The following KCNQ5 variants were observed in gnomAD, a reference collection of about 807,000 sequenced individuals.
KCNQ5 encodes potassium voltage-gated channel subfamily KQT member 5.
A neutral mutation model predicts 98.2 loss-of-function variants in KCNQ5; 30 were observed. That is an observed-to-expected ratio of 0.31 (90% CI 0.23 to 0.41). KCNQ5 has a LOEUF of 0.41. KCNQ5 is among the 10% of genes least tolerant of loss of function. KCNQ5 has a pLI of 1.00. For synonymous variants in KCNQ5, 458 were observed against 449.4 expected (o/e 1.02, Z -0.24); for missense variants, 835 against 1,182.5 (o/e 0.71, Z 4.31).
chr6:73,166,155 G>A (rs971645560), intron 10 of KCNQ5, among the ~76,000 whole-genome samples: 3 of 151,638 alleles, frequency 2.0e-5, no homozygotes, highest in Non-Finnish European at 2.9e-5. Context: ...CACTCAGGCC[G>A]GGCGTGGTGG....
At chr6:72,859,032 T>A (rs1369994367) in intron 1 of KCNQ5, among the ~76,000 whole-genome samples, 1 of 152,142 alleles carries the variant, frequency 6.6e-6, no homozygotes, top group Non-Finnish European at 1.5e-5. Flanking sequence ...AAAAGTTTTT[T>A]AAGAATATTC....
intron 1 of KCNQ5, among the ~76,000 whole-genome samples, chr6:72,935,469 C>G (rs1765874975): frequency 6.6e-6 from 1 of 152,120 alleles, no homozygotes; most frequent in African/African-American, 2.4e-5. Flanking sequence ...GACCATATGT[C>G]TCAAATGGGT....
rs552405177 is a variant in KCNQ5 at position 73,137,942 on chromosome 6, C to G, written c.1468+4301C>G. On this transcript the variant is annotated intron_variant, in intron 10 of 13. Coordinates refer to ENST00000370398, the MANE Select transcript of KCNQ5 (RefSeq NM_019842.4). The stretch of plus-strand genomic sequence containing the variant: ...TCTTCCAACTTCAATCGGTCAGATT[C>G]CCCTTCCCATATAAGCCACTTGACC... Among the ~76,000 whole-genome samples, 43 of 152,126 alleles carry G rather than the reference C, an allele frequency of 2.8e-4. 2 individuals carry two copies. The South Asian group carries it at 8.1e-3, about 29-fold the overall frequency.
intron 10 of KCNQ5, among the ~76,000 whole-genome samples, chr6:73,164,633 A>G (rs1489828281): frequency 1.3e-5 from 2 of 152,222 alleles, no homozygotes; most frequent in Non-Finnish European, 1.5e-5. Flanking sequence ...TGTGAACAAT[A>G]TAGTTTCACT....
chr6:72,634,239 T>A (rs967372929), intron 1 of KCNQ5, among the ~76,000 whole-genome samples: 1 of 152,230 alleles, frequency 6.6e-6, no homozygotes, highest in Non-Finnish European at 1.5e-5. Context: ...TTACCTAGAA[T>A]CAAGGAATTA....
chr6:73,097,434 A>C (rs934239403), intron 5 of KCNQ5, among the ~76,000 whole-genome samples: 3 of 152,188 alleles, frequency 2.0e-5, no homozygotes, highest in Non-Finnish European at 4.4e-5. Context: ...TACAGAAGGA[A>C]TGTAACTCAA....
intron 11 of KCNQ5, among the ~76,000 whole-genome samples, chr6:73,178,162 G>A (rs1778284177): frequency 6.6e-6 from 1 of 150,886 alleles, no homozygotes; most frequent in African/African-American, 2.4e-5. Context: ...TACACTCCTA[G>A]GAACACAAAA....
At chr6:73,020,946 T>C (rs1770579399) in intron 2 of KCNQ5, among the ~76,000 whole-genome samples, 1 of 152,180 alleles carries the variant, frequency 6.6e-6, no homozygotes, top group African/African-American at 2.4e-5. Flanking sequence ...AGTCATGTGC[T>C]ACATGCCAGC....
intron 1 of KCNQ5, among the ~76,000 whole-genome samples, chr6:72,674,585 C>T (rs1011394562): frequency 1.3e-5 from 2 of 152,148 alleles, no homozygotes; most frequent in African/African-American, 4.8e-5. Context: ...GCCTGGCCAA[C>T]GTGGTGAAAC....
chr6:72,871,901 T>G (rs1380087644), intron 1 of KCNQ5, among the ~76,000 whole-genome samples: 1 of 152,180 alleles, frequency 6.6e-6, no homozygotes, highest in Non-Finnish European at 1.5e-5. Context: ...GTTGAAAAGA[T>G]AAATGTTCTA....
chr6:72,959,911 G>A (rs2150265810), intron 1 of KCNQ5, among the ~76,000 whole-genome samples: 1 of 152,254 alleles, frequency 6.6e-6, no homozygotes, highest in African/African-American at 2.4e-5. Context: ...TTCAACAATA[G>A]CTCTTTTCAT....
intron 3 of KCNQ5, among the ~76,000 whole-genome samples, chr6:73,070,839 G>T (rs1015780415): frequency 2.6e-5 from 4 of 152,158 alleles, no homozygotes; most frequent in Admixed American, 6.5e-5. Flanking sequence ...CAGAGATAAT[G>T]CTGTACCTTA....
At chr6:72,980,917 T>G (rs1054056829) in intron 1 of KCNQ5, among the ~76,000 whole-genome samples, 2 of 152,212 alleles carry the variant, frequency 1.3e-5, no homozygotes, top group African/African-American at 4.8e-5. Flanking sequence ...GTTGAGATAA[T>G]CAAGTGGTTT....
intron 1 of KCNQ5, among the ~76,000 whole-genome samples, chr6:72,686,078 C>G (rs942892336): frequency 6.6e-6 from 1 of 152,208 alleles, no homozygotes; most frequent in Non-Finnish European, 1.5e-5. Context: ...GCTTCATCTT[C>G]ATGACCTCAT....
intron 5 of KCNQ5, 126 bp downstream of exon 5, chr6:73,078,013 A>G (rs966166963): frequency 1.5e-5 from 11 of 733,892 alleles, no homozygotes; most frequent in Non-Finnish European, 2.1e-5. Context: ...TATATGGAAA[A>G]TAAATACTAC....
intron 1 of KCNQ5, among the ~76,000 whole-genome samples, chr6:72,855,429 T>C (rs1362640708): frequency 6.6e-6 from 1 of 152,202 alleles, no homozygotes; most frequent in African/African-American, 2.4e-5. Context: ...TGTTTTTGTC[T>C]ATATCAGTAT....
intron 10 of KCNQ5, among the ~76,000 whole-genome samples, chr6:73,144,947 C>A (rs558954520): frequency 6.6e-6 from 1 of 152,326 alleles, no homozygotes; most frequent in Non-Finnish European, 1.5e-5. Context: ...ATGGCAAGGA[C>A]AGCCCACATG....
chr6:72,844,527 A>C (rs1776938901), intron 1 of KCNQ5, among the ~76,000 whole-genome samples: 1 of 152,210 alleles, frequency 6.6e-6, no homozygotes, highest in Non-Finnish European at 1.5e-5. Context: ...GTATAATTCA[A>C]ACTGTACATA....
At chr6:72,712,832 C>G (rs1200016770) in intron 1 of KCNQ5, among the ~76,000 whole-genome samples, 3 of 152,144 alleles carry the variant, frequency 2.0e-5, no homozygotes, top group Non-Finnish European at 4.4e-5. Flanking sequence ...TAATTTGAGT[C>G]ATAATTAAGA....
Sources: allele counts gnomAD v4.1 joint callset (sites outside exome capture counted in the v4.1 genomes callset), GRCh38; gene constraint gnomAD v4.1.1; transcripts MANE v1.5; gene names NCBI Gene and HGNC (gene_info 2026-07-23, HGNC 2026-07-21).